The following ROBO1 variants were observed in gnomAD, a reference collection of about 807,000 sequenced individuals.
ROBO1 encodes roundabout homolog 1.
A neutral mutation model predicts 195.9 loss-of-function variants in ROBO1; 149 were observed. That is an observed-to-expected ratio of 0.76 (90% CI 0.67 to 0.87). The LOEUF (loss-of-function observed/expected upper bound fraction) is 0.87, where lower values mean the gene tolerates loss of function less well. Among genes scored for constraint, ROBO1 ranks in the 40% least tolerant of loss-of-function variants. ROBO1 has a pLI of 0.00. For synonymous variants in ROBO1, 816 were observed against 733.2 expected, an observed-to-expected ratio of 1.11 and a Z score of -1.82; for missense variants, 1,933 against 2,068.3, an observed-to-expected ratio of 0.93 and a Z score of 1.27.
chr3:79,275,481 C>T (rs1302162593), intron 2 of ROBO1, among the ~76,000 whole-genome samples: 4 of 151,858 alleles, frequency 2.6e-5, no homozygotes, highest in Admixed American at 6.6e-5. Flanking sequence ...TGACATGCCA[C>T]AGCACAATAA....
rs147623796 is a variant in ROBO1 at position 79,416,282 on chromosome 3, G to A, written c.88+173542C>T. The stretch of plus-strand genomic sequence containing the variant: ...AGATGATAAATGGCTTCGAGTTGTA[G>A]TGGAGATAGAAAGAAGTATAGATAC... On this transcript the variant is annotated intron_variant, in intron 2 of 30. Coordinates refer to ENST00000464233, the MANE Select transcript of ROBO1 (RefSeq NM_002941.4). Among the ~76,000 whole-genome samples the A allele has an allele frequency of 9.0e-3, 1,375 of 152,032 alleles. 10 individuals are homozygous for A. The highest frequency in any genetic ancestry group is 0.024 in the Middle Eastern group (7 of 294).
chr3:79,723,961 A>C (rs1022029643), intron 1 of ROBO1, among the ~76,000 whole-genome samples: 1 of 152,198 alleles, frequency 6.6e-6, no homozygotes, highest in Non-Finnish European at 1.5e-5. Flanking sequence ...GAAATAAATA[A>C]GTGTTTTTAT....
At chr3:78,914,824 TA>T (rs1402112716) in intron 4 of ROBO1, among the ~76,000 whole-genome samples, 1 of 149,248 alleles carries the variant, frequency 6.7e-6, no homozygotes, top group Non-Finnish European at 1.5e-5. Flanking sequence ...AAACCTTAGG[TA>T]AAAATGAAAA....
chr3:79,247,709 G>A (rs577138875), intron 2 of ROBO1, among the ~76,000 whole-genome samples: 8 of 152,080 alleles, frequency 5.3e-5, no homozygotes, highest in South Asian at 2.1e-4. Flanking sequence ...GTGCTACAAC[G>A]CTCACAGGCA....
At chr3:78,729,041 C>G (rs2108171995) in intron 5 of ROBO1, among the ~76,000 whole-genome samples, 1 of 152,352 alleles carries the variant, frequency 6.6e-6, no homozygotes, top group African/African-American at 2.4e-5. Context: ...CTTTGCACAG[C>G]TTGGTGAGCT....
At chr3:79,624,333 A>G (rs1416076439) in intron 1 of ROBO1, among the ~76,000 whole-genome samples, 1 of 152,206 alleles carries the variant, frequency 6.6e-6, no homozygotes, top group African/African-American at 2.4e-5. Context: ...ACAGGATCAA[A>G]TACATACATA....
intron 3 of ROBO1, among the ~76,000 whole-genome samples, chr3:78,939,234 C>A (rs2039989059): frequency 6.6e-6 from 1 of 152,130 alleles, no homozygotes; most frequent in Non-Finnish European, 1.5e-5. Context: ...ATGCATGTGT[C>A]CATTTCTGCA....
intron 3 of ROBO1, among the ~76,000 whole-genome samples, chr3:78,941,289 GA>G (rs544744099): frequency 2.0e-5 from 3 of 152,126 alleles, no homozygotes; most frequent in Non-Finnish European, 2.9e-5. Context: ...CAATATAAAA[GA>G]AAAAAATTAC....
At chr3:78,893,962 A>G (rs1489644547) in intron 4 of ROBO1, among the ~76,000 whole-genome samples, 1 of 152,172 alleles carries the variant, frequency 6.6e-6, no homozygotes, top group African/African-American at 2.4e-5. Flanking sequence ...ATAAAATGGG[A>G]AGAATTAATC....
At chr3:78,599,756 C>T (rs1703058377) in intron 30 of ROBO1, among the ~76,000 whole-genome samples, 2 of 152,178 alleles carry the variant, frequency 1.3e-5, no homozygotes, top group Non-Finnish European at 2.9e-5. Flanking sequence ...CATCATATAA[C>T]TCTGTCATCT....
At chr3:79,187,872 A>G (rs1412493346) in intron 2 of ROBO1, among the ~76,000 whole-genome samples, 2 of 152,012 alleles carry the variant, frequency 1.3e-5, no homozygotes, top group African/African-American at 4.8e-5. Context: ...GCTGGTAAAA[A>G]AGAAAACTGC....
intron 1 of ROBO1, among the ~76,000 whole-genome samples, chr3:79,619,225 T>A (rs909598436): frequency 6.6e-6 from 1 of 152,158 alleles, no homozygotes; most frequent in African/African-American, 2.4e-5. Context: ...ACAACTGCTT[T>A]GGCTGCACAC....
chr3:78,701,965 C>A (rs2081431056), intron 8 of ROBO1, among the ~76,000 whole-genome samples: 2 of 152,244 alleles, frequency 1.3e-5, no homozygotes, highest in South Asian at 4.1e-4. Flanking sequence ...AGTTTAAAAG[C>A]AAATTAAAGT....
intron 3 of ROBO1, among the ~76,000 whole-genome samples, chr3:79,059,597 C>A (rs1293981447): frequency 8.5e-5 from 13 of 152,168 alleles, no homozygotes; most frequent in Admixed American, 8.5e-4. Flanking sequence ...ATTTCATGGA[C>A]ATTCATTAGT....
intron 2 of ROBO1, among the ~76,000 whole-genome samples, chr3:79,358,972 C>T (rs1359330116): frequency 6.6e-6 from 1 of 151,956 alleles, no homozygotes; most frequent in Non-Finnish European, 1.5e-5. Flanking sequence ...ACTGAGGGGG[C>T]TTTTTCCCTA....
At chr3:79,603,732 A>T (rs1944405010) in intron 1 of ROBO1, among the ~76,000 whole-genome samples, 1 of 151,978 alleles carries the variant, frequency 6.6e-6, no homozygotes, top group Non-Finnish European at 1.5e-5. Flanking sequence ...AATTTTAGAG[A>T]TCTGGAGGGG....
rs372626385 is a variant in ROBO1, at chr3:79,339,965, C to G, written c.89-214426G>C. ...CTCCACTCCAATGACTTTGATCTTACAATTTAATGACAGGCCTATCAAGTT... is the reference window on the plus strand; with the variant it reads ...CTCCACTCCAATGACTTTGATCTTAGAATTTAATGACAGGCCTATCAAGTT... On this transcript the variant is annotated intron_variant, in intron 2 of 30. Transcript: ENST00000464233. 1.0e-3 allele frequency among the ~76,000 whole-genome samples: 155 copies of G among 152,306 alleles called. 4 individuals carry two copies. Among genetic ancestry groups the G allele is most frequent in the South Asian group, 8.3e-4 (4 of 4,826 alleles).
At chr3:78,721,685 G>T (rs1232243760) in intron 5 of ROBO1, among the ~76,000 whole-genome samples, 1 of 152,126 alleles carries the variant, frequency 6.6e-6, no homozygotes, top group Admixed American at 6.5e-5. Flanking sequence ...CAAATACATA[G>T]AAAAATTGTG....
chr3:79,062,272 G>A (rs1312618191), intron 3 of ROBO1, among the ~76,000 whole-genome samples: 1 of 152,102 alleles, frequency 6.6e-6, no homozygotes, highest in Non-Finnish European at 1.5e-5. Context: ...GGTCATTAGA[G>A]AAATGCAAAT....
Sources: gnomAD v4.1 joint callset for allele counts (sites outside exome capture counted in the v4.1 genomes callset) on GRCh38, gnomAD v4.1.1 for gene constraint, MANE v1.5 for transcripts, NCBI Gene and HGNC (gene_info 2026-07-23, HGNC 2026-07-21) for gene names.